CNTNAP2: variants seen among roughly 807,000 people sequenced by gnomAD.
CNTNAP2 encodes contactin-associated protein-like 2.
CNTNAP2 carries 98 observed loss-of-function variants against 155.2 expected under a neutral mutation model. The ratio of observed to expected loss-of-function variants is 0.63; its 90% CI spans 0.54 to 0.75. The LOEUF (loss-of-function observed/expected upper bound fraction) is 0.75. Among genes scored for constraint, CNTNAP2 ranks in the 30% least tolerant of loss-of-function variants. The probability of loss-of-function intolerance (pLI) is 0.00; values close to 1 mark genes in which losing one functional copy is unlikely to be tolerated. For missense variants in CNTNAP2, 1,727 were observed against 1,688.1 expected, an observed-to-expected ratio of 1.02 and a Z score of -0.40; for synonymous variants, 651 against 631.2, an observed-to-expected ratio of 1.03 and a Z score of -0.47.
At chr7:147,891,320 G>T (rs7786561) in intron 13 of CNTNAP2, among the ~76,000 whole-genome samples, 3 of 151,622 alleles carry the variant, frequency 2.0e-5, no homozygotes, top group African/African-American at 7.3e-5. Context: ...TTCTCCTTCC[G>T]CGGCCTCCCG....
At chr7:146,356,352 T>C (rs1794997902) in intron 1 of CNTNAP2, among the ~76,000 whole-genome samples, 1 of 152,182 alleles carries the variant, frequency 6.6e-6, no homozygotes, top group Non-Finnish European at 1.5e-5. Flanking sequence ...GCCCTGCCAT[T>C]GTACTTCCCC....
At chr7:147,825,607 T>G (rs1337738094) in intron 13 of CNTNAP2, among the ~76,000 whole-genome samples, 2 of 152,222 alleles carry the variant, frequency 1.3e-5, no homozygotes, top group Admixed American at 6.5e-5. Context: ...ATAACATTTC[T>G]GTTGAGAATA....
chr7:146,748,143 C>CTTTTCT (rs60181692), intron 1 of CNTNAP2, among the ~76,000 whole-genome samples: 42 of 97,992 alleles, frequency 4.3e-4, no homozygotes, highest in South Asian at 2.3e-3. Flanking sequence ...CTTTTCTTTT[C>CTTTTCT]TTTTTTTTTT....
rs578026661 is a variant in CNTNAP2, at chr7:146,143,775, T to A, written c.97+26802T>A. Among the ~76,000 whole-genome samples the A allele has an allele frequency of 7.9e-5, 12 of 152,230 alleles. No individual in the cohort carries two copies. In the East Asian group the frequency reaches 2.3e-3, roughly 29 times the overall value. On this transcript the variant is annotated intron_variant, in intron 1 of 23. Coordinates refer to ENST00000361727, the MANE Select transcript of CNTNAP2 (RefSeq NM_014141.6). The stretch of plus-strand genomic sequence containing the variant: ...TAGATCTAAATTCTAATTTATTTTT[T>A]TTTTTGAAATGGAGTCTCCTTCTGT...
chr7:147,792,920 G>A (rs1797841166), intron 13 of CNTNAP2, among the ~76,000 whole-genome samples: 1 of 151,960 alleles, frequency 6.6e-6, no homozygotes, highest in African/African-American at 2.4e-5. Flanking sequence ...AATAATTCAG[G>A]GTTTTGATGT....
At chr7:146,168,658 G>A (rs1449919211) in intron 1 of CNTNAP2, among the ~76,000 whole-genome samples, 1 of 152,060 alleles carries the variant, frequency 6.6e-6, no homozygotes. Context: ...CATTACATCT[G>A]GATTTCAAAC....
At chr7:146,786,712 T>G (rs1029765413) in intron 2 of CNTNAP2, among the ~76,000 whole-genome samples, 1 of 152,256 alleles carries the variant, frequency 6.6e-6, no homozygotes, top group Non-Finnish European at 1.5e-5. Flanking sequence ...TTCCCCAGGT[T>G]TTCACCCAAA....
chr7:146,865,781 A>ATCTTCTT (rs1795193486), intron 3 of CNTNAP2, among the ~76,000 whole-genome samples: 1 of 152,140 alleles, frequency 6.6e-6, no homozygotes, highest in Non-Finnish European at 1.5e-5. Flanking sequence ...AACACAGAGA[A>ATCTTCTT]ATCAAAATCT....
intron 13 of CNTNAP2, among the ~76,000 whole-genome samples, chr7:147,836,149 C>G (rs1425256323): frequency 6.6e-6 from 1 of 152,124 alleles, no homozygotes; most frequent in African/African-American, 2.4e-5. Flanking sequence ...TTTTTGTTGT[C>G]CTAGTGGTTT....
chr7:148,148,406 T>A (rs567881768), intron 17 of CNTNAP2, among the ~76,000 whole-genome samples: 2 of 152,360 alleles, frequency 1.3e-5, no homozygotes, highest in South Asian at 4.1e-4. Context: ...TTTTAAATTT[T>A]GTTTTTGAGA....
At chr7:146,548,019 A>C (rs1798055807) in intron 1 of CNTNAP2, among the ~76,000 whole-genome samples, 2 of 151,864 alleles carry the variant, frequency 1.3e-5, no homozygotes, top group South Asian at 4.2e-4. Flanking sequence ...TACACAGGTA[A>C]ACTTTTGTCA....
At chr7:147,094,664 C>T (rs547951229) in intron 4 of CNTNAP2, among the ~76,000 whole-genome samples, 7 of 152,034 alleles carry the variant, frequency 4.6e-5, no homozygotes, top group East Asian at 3.9e-4. Context: ...TCTCGGCCTC[C>T]GAAAGTGCTG....
intron 1 of CNTNAP2, among the ~76,000 whole-genome samples, chr7:146,614,650 G>C (rs1338167362): frequency 6.6e-6 from 1 of 152,194 alleles, no homozygotes. Flanking sequence ...TGTTGTGCTT[G>C]CAATCTGTTT....
At chr7:146,340,474 T>C (rs1175523268) in intron 1 of CNTNAP2, among the ~76,000 whole-genome samples, 2 of 151,906 alleles carry the variant, frequency 1.3e-5, no homozygotes, top group African/African-American at 4.8e-5. Context: ...AGATAAAATA[T>C]AGAACATAGC....
rs148194166 is a variant in CNTNAP2 at position 148,151,543 on chromosome 7, G to A, written c.2773+3834G>A. Among the ~76,000 whole-genome samples, 306 of 152,000 alleles carry A rather than the reference G, an allele frequency of 2.0e-3. 1 individual carries two copies. The highest frequency in any genetic ancestry group is 7.1e-3 in the African/African-American group (296 of 41,452). ...ACCCCTGACCTCAAGTGATCTGCCC[G>A]CCTCAGCCTCTCAAAGTGCTGGGAT... On this transcript the variant is annotated intron_variant, in intron 17 of 23. Transcript: ENST00000361727.
intron 3 of CNTNAP2, among the ~76,000 whole-genome samples, chr7:146,927,665 G>C (rs1449477800): frequency 1.3e-5 from 2 of 151,854 alleles, no homozygotes; most frequent in Non-Finnish European, 2.9e-5. Flanking sequence ...ACATTTTTAA[G>C]AAGAAATTGT....
intron 15 of CNTNAP2, among the ~76,000 whole-genome samples, chr7:148,037,877 T>C (rs1463290465): frequency 2.0e-5 from 3 of 152,226 alleles, no homozygotes; most frequent in Non-Finnish European, 4.4e-5. Context: ...GGGACAGCGA[T>C]CCATGTTCTT....
chr7:146,178,751 A>G (rs1480963476), intron 1 of CNTNAP2, among the ~76,000 whole-genome samples: 2 of 152,224 alleles, frequency 1.3e-5, no homozygotes, highest in Admixed American at 6.5e-5. Flanking sequence ...TGGTTCACCT[A>G]CAGGTAGAAT....
chr7:146,490,430 A>G (rs1797121538), intron 1 of CNTNAP2, among the ~76,000 whole-genome samples: 1 of 152,232 alleles, frequency 6.6e-6, no homozygotes, highest in East Asian at 1.9e-4. Context: ...ATGGAAACAC[A>G]AAGTGTAAAG....
Sources: allele counts gnomAD v4.1 joint callset (sites outside exome capture counted in the v4.1 genomes callset), GRCh38; gene constraint gnomAD v4.1.1; transcripts MANE v1.5; gene names NCBI Gene and HGNC (gene_info 2026-07-23, HGNC 2026-07-21).